ATG7: variants seen among roughly 807,000 people sequenced by gnomAD.
The protein encoded by ATG7 is autophagy related 7, also known as ubiquitin-like modifier-activating enzyme ATG7.
In ATG7, 70 loss-of-function variants were observed where a neutral mutation model predicts 82.4. That is an observed-to-expected ratio of 0.85 (90% CI 0.70 to 1.04). The LOEUF (loss-of-function observed/expected upper bound fraction) is 1.04. ATG7 is among the 50% of genes least tolerant of loss of function. ATG7 has a pLI of 0.00. For missense variants in ATG7, 792 were observed against 864.3 expected, an observed-to-expected ratio of 0.92 and a Z score of 1.05; for synonymous variants, 287 against 313.0, an observed-to-expected ratio of 0.92 and a Z score of 0.88.
intron 11 of ATG7, among the ~76,000 whole-genome samples, chr3:11,340,374 A>T (rs1343287484): frequency 3.3e-5 from 5 of 151,116 alleles, no homozygotes. Context: ...GCCAGAGTTG[A>T]GGGCTATTTC....
intron 20 of ATG7, among the ~76,000 whole-genome samples, chr3:11,502,196 A>G (rs1430595366): frequency 1.3e-5 from 2 of 151,776 alleles, no homozygotes; most frequent in African/African-American, 4.9e-5. Context: ...CAAGAACGTT[A>G]AATTCTTTTT....
intron 20 of ATG7, among the ~76,000 whole-genome samples, chr3:11,520,062 A>G (rs764987042): frequency 4.6e-5 from 7 of 152,124 alleles, no homozygotes; most frequent in Admixed American, 1.3e-4. Context: ...CCCATCCCCC[A>G]GATGGCAGCT....
chr3:11,573,316 G>GAAGAAAGA, the ATG7 span, among the ~76,000 whole-genome samples: 10 of 20,740 alleles, frequency 4.8e-4, no homozygotes, highest in Admixed American at 1.2e-3. Context: ...AGGAAGGAAG[G>GAAGAAAGA]AAGAAAGAAA....
intron 20 of ATG7, among the ~76,000 whole-genome samples, chr3:11,475,014 A>T (rs765781814): frequency 9.2e-5 from 14 of 151,688 alleles, no homozygotes; most frequent in Non-Finnish European, 1.9e-4. Flanking sequence ...GCAGGAGAGT[A>T]ACAGGAGTGA....
intron 20 of ATG7, among the ~76,000 whole-genome samples, chr3:11,445,165 A>C (rs2084406579): frequency 6.6e-6 from 1 of 152,192 alleles, no homozygotes; most frequent in South Asian, 2.1e-4. Context: ...AGACCTATAA[A>C]CAGAAATACC....
chr3:11,447,914 A>C (rs1181684059), intron 20 of ATG7, among the ~76,000 whole-genome samples: 1 of 152,200 alleles, frequency 6.6e-6, no homozygotes, highest in Non-Finnish European at 1.5e-5. Context: ...ATGCAGATGG[A>C]TGGGTGTTGG....
chr3:11,283,562 G>T (rs1943433604), intron 3 of ATG7, among the ~76,000 whole-genome samples: 1 of 152,122 alleles, frequency 6.6e-6, no homozygotes, highest in East Asian at 1.9e-4. Flanking sequence ...TCCACACTCG[G>T]GTTCATCTGT....
At chr3:11,575,501 G>T in the ATG7 span, among the ~76,000 whole-genome samples, 1 of 152,152 alleles carries the variant, frequency 6.6e-6, no homozygotes. Flanking sequence ...GGGCAAAGTG[G>T]GTCCCTCCTT....
intron 19 of ATG7, among the ~76,000 whole-genome samples, chr3:11,398,508 C>T (rs1355038985): frequency 6.6e-6 from 1 of 152,126 alleles, no homozygotes; most frequent in Non-Finnish European, 1.5e-5. Context: ...AAATTAAGAA[C>T]TATTTTAACT....
chr3:11,558,432 G>A, downstream of ATG7: 3 of 1,393,704 alleles, frequency 2.2e-6, no homozygotes, highest in Non-Finnish European at 9.5e-7. Flanking sequence ...CATGGTTTTT[G>A]CAAATAAACC....
At chr3:11,446,506 T>G in intron 20 of ATG7, 1 of 448,906 alleles carries the variant, frequency 2.2e-6, no homozygotes, top group Non-Finnish European at 4.5e-6. Context: ...GGTTTACTTT[T>G]AGCACTAAGA....
Position 11,364,656 on chromosome 3 carries a change from C to T in ATG7, c.1800-3C>T. 1 of 1,614,108 alleles carries T rather than the reference C, an allele frequency of 6.2e-7. No individual in the cohort carries two copies. The highest frequency in any genetic ancestry group is 1.1e-5 in the South Asian group (1 of 91,084). ...AGCAGCTCTGATTGTTTCCTGTCCT[C>T]AGGGGCTATGCCATTGCCAGCAGCA... On this transcript the variant is annotated splice_region_variant and splice_polypyrimidine_tract_variant and intron_variant, in intron 17 of 20. Transcript: ENST00000693202.
At chr3:11,348,689 T>G (rs772150291) in intron 14 of ATG7, 1 of 152,198 alleles carries the variant, frequency 6.6e-6, no homozygotes, top group African/African-American at 2.4e-5. Flanking sequence ...GGGACCCAAG[T>G]GGGTTGCTGC....
At chr3:11,459,178 A>AC (rs1219239422) in intron 20 of ATG7, among the ~76,000 whole-genome samples, 2 of 151,534 alleles carry the variant, frequency 1.3e-5, no homozygotes, top group Non-Finnish European at 2.9e-5. Context: ...CACTTTAAAA[A>AC]AAAAAAAAAA....
chr3:11,335,244 A>C (rs1160738449), intron 11 of ATG7, among the ~76,000 whole-genome samples: 1 of 151,932 alleles, frequency 6.6e-6, no homozygotes, highest in Non-Finnish European at 1.5e-5. Flanking sequence ...GTTAACTTAC[A>C]TGCTATACCT....
chr3:11,354,564 G>A (rs777735456), intron 14 of ATG7, among the ~76,000 whole-genome samples: 8 of 146,502 alleles, frequency 5.5e-5, no homozygotes, highest in Non-Finnish European at 1.2e-4. Flanking sequence ...CAGGAGAATC[G>A]CTTGAACCCG....
At chr3:11,310,032 G>C (rs542343164) in intron 7 of ATG7, among the ~76,000 whole-genome samples, 1 of 152,074 alleles carries the variant, frequency 6.6e-6, no homozygotes, top group East Asian at 1.9e-4. Flanking sequence ...TGGGTGTGGT[G>C]GCGCCTGCCT....
chr3:11,455,401 A>G (rs934731264), intron 20 of ATG7, among the ~76,000 whole-genome samples: 3 of 152,142 alleles, frequency 2.0e-5, no homozygotes, highest in African/African-American at 7.2e-5. Context: ...ATTCCTGGAC[A>G]TCCCAGTGCA....
chr3:11,420,879 C>T (rs563338548), intron 19 of ATG7, among the ~76,000 whole-genome samples: 2 of 151,818 alleles, frequency 1.3e-5, no homozygotes, highest in African/African-American at 4.8e-5. Flanking sequence ...CCTCAGCCTC[C>T]TGAGTAGCTG....
Sources: allele counts gnomAD v4.1 joint callset (sites outside exome capture counted in the v4.1 genomes callset), GRCh38; gene constraint gnomAD v4.1.1; transcripts MANE v1.5; gene names NCBI Gene and HGNC (gene_info 2026-07-23, HGNC 2026-07-21).